Variants in CTDSP2 observed in about 807,000 individuals in gnomAD.
CTDSP2 encodes carboxy-terminal domain RNA polymerase II polypeptide A small phosphatase 2.
Under a neutral mutation model 31.6 loss-of-function variants are expected in CTDSP2, and 9 were observed. The ratio of observed to expected loss-of-function variants is 0.28; its 90% confidence interval spans 0.17 to 0.50. CTDSP2 has a LOEUF of 0.50. Among genes scored for constraint, CTDSP2 ranks in the 20% least tolerant of loss-of-function variants. The pLI is 0.98. For synonymous variants in CTDSP2, 134 were observed against 134.5 expected (o/e 1.00, Z 0.03); for missense variants, 267 against 348.5 (o/e 0.77, Z 1.86).
At chr12:57,828,385 C>T (rs1053924828) in intron 2 of CTDSP2, among the ~76,000 whole-genome samples, 2 of 149,014 alleles carry the variant, frequency 1.3e-5, no homozygotes, top group Admixed American at 1.3e-4. Flanking sequence ...CACGCCATTG[C>T]ACTCCAGCCT....
chr12:57,839,565 A>G (rs1020899648), intron 1 of CTDSP2, among the ~76,000 whole-genome samples: 1 of 152,106 alleles, frequency 6.6e-6, no homozygotes, highest in African/African-American at 2.4e-5. Flanking sequence ...AAAAATACAA[A>G]AAATTAGCCG....
chr12:57,821,044 TCCTC>T lies in CTDSP2; in HGVS notation c.*2554_*2557del, dbSNP rs1389779604. The T allele has an allele frequency of 6.6e-6, 1 of 152,148 alleles. No individual in the cohort carries two copies. The highest frequency in any genetic ancestry group is 6.5e-5 in the Admixed American group (1 of 15,270). 9.4% of individuals were successfully genotyped at this position (152,148 alleles called of 1,614,324 possible). A position where few individuals can be genotyped will look rare whatever the true frequency, so the allele number is the denominator to read the frequency against. On this transcript the variant is annotated 3_prime_UTR_variant, in exon 8 of 8. Coordinates refer to ENST00000398073, the MANE Select transcript of CTDSP2 (RefSeq NM_005730.4). ...GAAGAGAGTCTGGGATGAAGCGGCC[TCCTC>T]CCTGTCTTGCCCTCCAAAATTGAGT...
chr12:57,827,061 C>T lies in CTDSP2; in HGVS notation c.289G>A (p.Glu97Lys), dbSNP rs75591888. Reference protein sequence around the residue: ...GTCLLPEVTEEDQGRICVVID... With the variant: ...GTCLLPEVTEKDQGRICVVID... ...ACCACACAGATCCTTCCTTGATCTT[C>T]CTCTGTCACCTCTGGGAGCAGGCAG... is the stretch of plus-strand genomic sequence containing the variant. Residue 97 changes from glutamate to lysine, a missense_variant, in exon 4 of 8, where the codon GAA (glutamate) becomes AAA (lysine). Glu to Lys is a moderately conservative substitution (Grantham distance 56, BLOSUM62 1). Transcript: ENST00000398073. The T allele has an allele frequency of 6.2e-7, 1 of 1,613,828 alleles. No individual in the cohort carries two copies. Among genetic ancestry groups the T allele is most frequent in the South Asian group, 1.1e-5 (1 of 91,086 alleles).
intron 1 of CTDSP2, among the ~76,000 whole-genome samples, chr12:57,834,933 A>G (rs1428660319): frequency 2.0e-5 from 3 of 151,944 alleles, no homozygotes; most frequent in Admixed American, 2.0e-4. Flanking sequence ...AACCAGCCTG[A>G]CCAACATGGA....
At chr12:57,832,116 T>C (rs1489296791) in intron 1 of CTDSP2, among the ~76,000 whole-genome samples, 1 of 152,224 alleles carries the variant, frequency 6.6e-6, no homozygotes, top group Non-Finnish European at 1.5e-5. Context: ...GCCTCCCCAG[T>C]TGGCTGGTCC....
At chr12:57,823,824 G>A in intron 7 of CTDSP2, 80 bp downstream of exon 7, 13 of 1,607,824 alleles carry the variant, frequency 8.1e-6, no homozygotes, top group Middle Eastern at 1.7e-4. Context: ...CTGGAGGGGT[G>A]TACTTCTCTG....
chr12:57,839,112 T>A (rs1386266852), intron 1 of CTDSP2, among the ~76,000 whole-genome samples: 1 of 152,088 alleles, frequency 6.6e-6, no homozygotes, highest in African/African-American at 2.4e-5. Flanking sequence ...GCAGAAGGAA[T>A]GGAAGGAGTC....
At chr12:57,831,003 C>T (rs952438473) in intron 1 of CTDSP2, among the ~76,000 whole-genome samples, 8 of 150,850 alleles carry the variant, frequency 5.3e-5, no homozygotes, top group Non-Finnish European at 8.8e-5. Flanking sequence ...CCATCTCGGC[C>T]TTCCAAAGTG....
Position 57,823,600 on chromosome 12 carries a change from G to A in CTDSP2, c.*2C>T. ...ATGGCCGTCGCTTGGAAGCAGGGCA[G>A]GCTAAGGGGCCCGCAGCTGCCCAAG... On this transcript the variant is annotated 3_prime_UTR_variant, in exon 8 of 8. Coordinates refer to ENST00000398073, the MANE Select transcript of CTDSP2 (RefSeq NM_005730.4). The A allele has an allele frequency of 1.2e-6, 2 of 1,613,766 alleles. No individual in the cohort carries two copies. Among genetic ancestry groups the A allele is most frequent in the Non-Finnish European group, 1.7e-6 (2 of 1,179,958 alleles).
intron 1 of CTDSP2, among the ~76,000 whole-genome samples, chr12:57,832,813 AAAAAAGGAAAAGAAAAAGAAAAAAAC>A (rs1956224628): frequency 6.7e-6 from 1 of 150,182 alleles, no homozygotes; most frequent in Non-Finnish European, 1.5e-5. Context: ...AAAAAAAAAA[AAAAAAGGAAAAGAAAAAGAAAAAAAC>A]AAAAGACAGC....
At chr12:57,842,991 G>C (rs1956291970) in intron 1 of CTDSP2, among the ~76,000 whole-genome samples, 1 of 152,214 alleles carries the variant, frequency 6.6e-6, no homozygotes, top group African/African-American at 2.4e-5. Context: ...GAGATGGTCA[G>C]TCTCTCAGAA....
Position 57,823,358 on chromosome 12 carries a change from A to C in CTDSP2, c.*244T>G, listed in dbSNP as rs192840303. The C allele has an allele frequency of 3.7e-4, 202 of 544,308 alleles. No individual in the cohort carries two copies. In the Middle Eastern group the frequency reaches 4.5e-3, roughly 12 times the overall value. The allele number at this position is 544,308 out of a possible 1,614,324, so 33.7% of individuals were successfully genotyped here. ...CAGTTCATGGCAAAACACACACACA[A>C]ACACACACTCTCTCACAGTCAAACA... On this transcript the variant is annotated 3_prime_UTR_variant, in exon 8 of 8. Transcript: ENST00000398073.
At chr12:57,830,400 AAAACAAAC>A (rs770665418) in intron 1 of CTDSP2, among the ~76,000 whole-genome samples, 1 of 151,758 alleles carries the variant, frequency 6.6e-6, no homozygotes, top group African/African-American at 2.4e-5. Context: ...AACAACAACA[AAAACAAAC>A]AAACAAACAA....
At chr12:57,832,680 T>C (rs1956223062) in intron 1 of CTDSP2, among the ~76,000 whole-genome samples, 1 of 148,494 alleles carries the variant, frequency 6.7e-6, no homozygotes, top group African/African-American at 2.5e-5. Flanking sequence ...TAGTCCCAGC[T>C]ACCTGGGATG....
chr12:57,825,762 G>T (rs1956178976), intron 5 of CTDSP2, among the ~76,000 whole-genome samples: 1 of 152,228 alleles, frequency 6.6e-6, no homozygotes, highest in African/African-American at 2.4e-5. Flanking sequence ...TCCTCAGGCA[G>T]AATCCAATGG....
chr12:57,846,286 C>G, intron 1 of CTDSP2, 86 bp downstream of exon 1: 1 of 1,318,310 alleles, frequency 7.6e-7, no homozygotes, highest in African/African-American at 1.5e-5. Flanking sequence ...CCCTGGAGGT[C>G]AAGGGCCGAG....
At chr12:57,826,817 A>G (rs1436927875) in intron 4 of CTDSP2, among the ~76,000 whole-genome samples, 179 bp downstream of exon 4, 3 of 152,192 alleles carry the variant, frequency 2.0e-5, no homozygotes, top group South Asian at 2.1e-4. Flanking sequence ...TTCCTACTCA[A>G]CATTCTTCAG....
chr12:57,826,225 A>T, intron 5 of CTDSP2, 121 bp downstream of exon 5: 1 of 658,090 alleles, frequency 1.5e-6, no homozygotes, highest in Non-Finnish European at 2.5e-6. Flanking sequence ...GGCTGGAGTT[A>T]TAGAAAAGGG....
chr12:57,830,646 C>T (rs1031736844), intron 1 of CTDSP2, among the ~76,000 whole-genome samples: 7 of 152,358 alleles, frequency 4.6e-5, no homozygotes, highest in South Asian at 2.1e-4. Flanking sequence ...AACACACATT[C>T]GCAGCCTCAG....
Sources: gnomAD v4.1 joint callset for allele counts (sites outside exome capture counted in the v4.1 genomes callset) on GRCh38, gnomAD v4.1.1 for gene constraint, MANE v1.5 for transcripts, NCBI Gene and HGNC (gene_info 2026-07-23, HGNC 2026-07-21) for gene names.